The following TRIP12 variants were observed in gnomAD, a reference collection of about 807,000 sequenced individuals.
The protein encoded by TRIP12 is E3 ubiquitin-protein ligase TRIP12.
A neutral mutation model predicts 244.2 loss-of-function variants in TRIP12; 25 were observed. The observed-to-expected ratio is 0.10, with a 90% confidence interval of 0.07 to 0.14. The LOEUF (loss-of-function observed/expected upper bound fraction) is 0.14. Ranked by LOEUF, TRIP12 falls within the 10% of genes least tolerant of loss-of-function variation. TRIP12 has a pLI of 1.00. For missense variants in TRIP12, 1,677 were observed against 2,486.4 expected, an observed-to-expected ratio of 0.67 and a Z score of 6.92; for synonymous variants, 905 against 873.1, an observed-to-expected ratio of 1.04 and a Z score of -0.64.
intron 9 of TRIP12, 23 bp downstream of exon 9, chr2:229,818,341 C>A (rs780784505): frequency 6.2e-7 from 1 of 1,609,374 alleles, no homozygotes; most frequent in Admixed American, 1.7e-5. Context: ...GAGGTAAAAA[C>A]GAGGGAAAAA....
chr2:229,914,924 T>C (rs2075088317), intron 1 of TRIP12, among the ~76,000 whole-genome samples: 1 of 152,170 alleles, frequency 6.6e-6, no homozygotes, highest in African/African-American at 2.4e-5. Context: ...ATGTATACTA[T>C]TATAAATTGG....
intron 4 of TRIP12, 65 bp from the exon 5 acceptor site, chr2:229,840,992 A>G (rs1445921187): frequency 8.1e-7 from 1 of 1,227,484 alleles, no homozygotes; most frequent in Non-Finnish European, 1.1e-6. Context: ...AAAAATTATA[A>G]AATTCTTCAG....
intron 1 of TRIP12, among the ~76,000 whole-genome samples, chr2:229,881,034 T>C (rs2064762110): frequency 1.3e-5 from 2 of 152,162 alleles, no homozygotes; most frequent in South Asian, 4.1e-4. Flanking sequence ...AATTGAGCAA[T>C]GGTCTCAGAT....
upstream of TRIP12, chr2:229,922,579 C>T: frequency 1.2e-6 from 2 of 1,614,114 alleles, no homozygotes; most frequent in Non-Finnish European, 1.7e-6. Context: ...CTAGCAAAGA[C>T]TATTACCAGT....
chr2:229,823,705 A>G (rs1167565688), intron 8 of TRIP12, among the ~76,000 whole-genome samples: 1 of 151,832 alleles, frequency 6.6e-6, no homozygotes, highest in South Asian at 2.1e-4. Flanking sequence ...ACAACAAAAA[A>G]TAAGTGCAAA....
intron 6 of TRIP12, among the ~76,000 whole-genome samples, chr2:229,835,803 G>A (rs1376934856): frequency 6.6e-6 from 1 of 152,166 alleles, no homozygotes; most frequent in Admixed American, 6.6e-5. Flanking sequence ...TTAGAAGACT[G>A]GGAAGGAGCG....
rs1423043029 is a variant in TRIP12 at position 229,811,020 on chromosome 2, T to C, written c.2081A>G (p.Lys694Arg). 6.8e-6 allele frequency: 11 copies of C among 1,613,890 alleles called. No individual in the cohort carries two copies. The highest frequency in any genetic ancestry group is 9.3e-6 in the Non-Finnish European group (11 of 1,179,972). The stretch of plus-strand genomic sequence containing the variant: ...CTGTTGAACATTTGTAAGCAGATCT[T>C]TGGAAGCAACCTGCTGGAGTAAATT... The part of the protein sequence containing the change: ...EENLLQQVAS[K>R]DLLTNVQQLL... The change falls in exon 15 of 42, where the codon AAA becomes AGA. Residue 694 changes from lysine (K) to arginine (R), a missense_variant. Transcript: ENST00000675903.
At chr2:229,835,889 C>A (rs546533571) in intron 6 of TRIP12, among the ~76,000 whole-genome samples, 1 of 152,206 alleles carries the variant, frequency 6.6e-6, no homozygotes, top group Non-Finnish European at 1.5e-5. Flanking sequence ...AAATATCTAC[C>A]ATTTAAACCT....
chr2:229,808,153 A>T (rs991234800), intron 16 of TRIP12, 99 bp downstream of exon 16: 1 of 902,784 alleles, frequency 1.1e-6, no homozygotes, highest in Non-Finnish European at 1.7e-6. Context: ...TTTTTAGTAG[A>T]GACGGGTTTT....
At chr2:229,863,786 G>A (rs544533031) in intron 2 of TRIP12, among the ~76,000 whole-genome samples, 1 of 152,116 alleles carries the variant, frequency 6.6e-6, no homozygotes. Context: ...AGCCTTGGAC[G>A]CCTCCTTTTA....
At chr2:229,837,993 T>G (rs1222647613) in intron 5 of TRIP12, among the ~76,000 whole-genome samples, 1 of 152,162 alleles carries the variant, frequency 6.6e-6, no homozygotes, top group Non-Finnish European at 1.5e-5. Context: ...TTATTCAAAC[T>G]TGATAGCATT....
At chr2:229,819,355 G>C (rs1440937636) in intron 8 of TRIP12, among the ~76,000 whole-genome samples, 1 of 152,134 alleles carries the variant, frequency 6.6e-6, no homozygotes, top group Non-Finnish European at 1.5e-5. Context: ...GACCAACCTG[G>C]CCAACATGGC....
intron 1 of TRIP12, among the ~76,000 whole-genome samples, chr2:229,903,004 C>CT (rs1252768706): frequency 6.6e-5 from 2 of 30,290 alleles, no homozygotes; most frequent in Non-Finnish European, 1.1e-4. Flanking sequence ...GTTTTTTTTT[C>CT]TTTTTCTTTT....
At chr2:229,820,439 G>C (rs755459168) in intron 8 of TRIP12, among the ~76,000 whole-genome samples, 85 of 152,032 alleles carry the variant, frequency 5.6e-4, no homozygotes, top group Admixed American at 5.1e-3. Flanking sequence ...CCAACTCCTA[G>C]AGCAGTGGAT....
intron 1 of TRIP12, among the ~76,000 whole-genome samples, chr2:229,909,067 G>A (rs150405333): frequency 2.9e-4 from 40 of 138,352 alleles, no homozygotes; most frequent in Admixed American, 2.8e-3. Context: ...TCCAGCCTGG[G>A]TGACAGAGTG....
intron 39 of TRIP12, among the ~76,000 whole-genome samples, chr2:229,769,556 G>A (rs776248023): frequency 2.4e-4 from 37 of 151,904 alleles, no homozygotes; most frequent in Non-Finnish European, 5.3e-4. Flanking sequence ...GCAGGGACTT[G>A]GTTCCTGAGA....
At chr2:229,772,243 A>G (rs772263420) in intron 38 of TRIP12, among the ~76,000 whole-genome samples, 1 of 152,250 alleles carries the variant, frequency 6.6e-6, no homozygotes, top group Non-Finnish European at 1.5e-5. Flanking sequence ...ATTTTCAGAT[A>G]AAAATGAAAA....
At chr2:229,792,838 G>C in intron 27 of TRIP12, 135 bp downstream of exon 27, 1 of 908,884 alleles carries the variant, frequency 1.1e-6, no homozygotes. Flanking sequence ...GAAAATAAAA[G>C]ACAGGAATAT....
intron 1 of TRIP12, among the ~76,000 whole-genome samples, chr2:229,914,338 T>C (rs891359725): frequency 7.2e-5 from 11 of 152,302 alleles, no homozygotes; most frequent in African/African-American, 2.6e-4. Flanking sequence ...CAGTTCAATC[T>C]GATTGCAGCC....
Sources: allele counts gnomAD v4.1 joint callset (sites outside exome capture counted in the v4.1 genomes callset), GRCh38; gene constraint gnomAD v4.1.1; transcripts MANE v1.5; gene names NCBI Gene and HGNC (gene_info 2026-07-23, HGNC 2026-07-21).